Variants in ROBO2 observed in about 807,000 individuals in gnomAD.
The protein encoded by ROBO2 is roundabout guidance receptor 2.
ROBO2 carries 53 observed loss-of-function variants against 160.8 expected under a neutral mutation model. That is an observed-to-expected ratio of 0.33 (90% CI 0.26 to 0.41). ROBO2 has a LOEUF of 0.41. Ranked by LOEUF, ROBO2 falls within the 10% of genes least tolerant of loss-of-function variation. The pLI, the probability that ROBO2 is intolerant of heterozygous loss-of-function variation, is 1.00. For missense variants in ROBO2, 1,577 were observed against 1,722.4 expected (o/e 0.92, Z 1.49); for synonymous variants, 664 against 611.7 (o/e 1.09, Z -1.26).
At chr3:76,744,093 C>A (rs1354586523) in intron 2 of ROBO2, among the ~76,000 whole-genome samples, 3 of 152,214 alleles carry the variant, frequency 2.0e-5, no homozygotes, top group East Asian at 3.9e-4. Context: ...AGAGCTCATA[C>A]CAGAGTACCA....
intron 2 of ROBO2, among the ~76,000 whole-genome samples, chr3:76,094,428 C>T (rs1174945478): frequency 6.6e-6 from 1 of 152,176 alleles, no homozygotes; most frequent in African/African-American, 2.4e-5. Flanking sequence ...TTCAAGGATT[C>T]ACAGTCAATA....
chr3:77,303,291 G>C (rs1323255265), intron 2 of ROBO2, among the ~76,000 whole-genome samples: 1 of 152,152 alleles, frequency 6.6e-6, no homozygotes, highest in Non-Finnish European at 1.5e-5. Flanking sequence ...ACACAGAGTG[G>C]ACACTCCCTA....
intron 2 of ROBO2, among the ~76,000 whole-genome samples, chr3:76,759,493 A>AATATATATGTTCTATATATATTAAT (rs2061175316): frequency 6.6e-6 from 1 of 151,694 alleles, no homozygotes; most frequent in Admixed American, 6.6e-5. Flanking sequence ...AACATATATT[A>AATATATATGTTCTATATATATTAAT]ATATATATAG....
At chr3:76,059,872 A>T (rs1328161315) in intron 2 of ROBO2, among the ~76,000 whole-genome samples, 1 of 152,182 alleles carries the variant, frequency 6.6e-6, no homozygotes, top group Non-Finnish European at 1.5e-5. Flanking sequence ...ACATATGGCT[A>T]GCCAGTTTTC....
chr3:77,182,552 A>G lies in ROBO2; in HGVS notation c.388+84212A>G, dbSNP rs538696349. ...TCTTTTGAATAATACATGAAAGAGC[A>G]CTAGTCCATCCTCCTAAATTGAGTA... On this transcript the variant is annotated intron_variant, in intron 2 of 25. Coordinates refer to ENST00000461745, the Ensembl canonical transcript of ROBO2. Among the ~76,000 whole-genome samples, 26 of 152,216 alleles carry G rather than the reference A, an allele frequency of 1.7e-4. 2 individuals are homozygous for G. The highest frequency in any genetic ancestry group is 3.4e-3 in the Middle Eastern group (1 of 294).
At chr3:77,291,739 A>G (rs1560449850) in intron 2 of ROBO2, among the ~76,000 whole-genome samples, 1 of 151,618 alleles carries the variant, frequency 6.6e-6, no homozygotes, top group East Asian at 2.0e-4. Context: ...TAAACGGGTA[A>G]GCTGAGGCTA....
At chr3:76,520,950 C>A (rs1040778059) in intron 2 of ROBO2, among the ~76,000 whole-genome samples, 1 of 150,986 alleles carries the variant, frequency 6.6e-6, no homozygotes, top group Non-Finnish European at 1.5e-5. Context: ...ATTGAATTCT[C>A]TTCTTCATTT....
chr3:76,466,925 T>C (rs1280195475), intron 2 of ROBO2, among the ~76,000 whole-genome samples: 1 of 152,074 alleles, frequency 6.6e-6, no homozygotes, highest in African/African-American at 2.4e-5. Flanking sequence ...CAAATTTGTT[T>C]CTGTTTAGAA....
chr3:77,415,752 T>C (rs1031052132), intron 2 of ROBO2, among the ~76,000 whole-genome samples: 7 of 152,280 alleles, frequency 4.6e-5, no homozygotes, highest in Admixed American at 3.3e-4. Context: ...AACTCAGAGA[T>C]GCCGGTAACC....
rs959652831 is a variant in ROBO2, at chr3:76,596,476, C to G, written c.110-501538C>G. Among the ~76,000 whole-genome samples, 3 of 152,018 alleles carry G rather than the reference C, an allele frequency of 2.0e-5. No individual in the cohort carries two copies. The South Asian group carries it at 6.2e-4, about 31-fold the overall frequency. ...ATGGAAAACCGGCAGCAGATAGAACCCTCTCTGACATTTACTAACTAGAGA... is the reference window on the plus strand; with the variant it reads ...ATGGAAAACCGGCAGCAGATAGAACGCTCTCTGACATTTACTAACTAGAGA... On this transcript the variant is annotated intron_variant, in intron 2 of 26. Coordinates refer to the ROBO2 transcript ENST00000487694.
intron 2 of ROBO2, among the ~76,000 whole-genome samples, chr3:76,041,272 G>A (rs1045631734): frequency 6.6e-6 from 1 of 151,990 alleles, no homozygotes; most frequent in African/African-American, 2.4e-5. Context: ...ACAGGACTAT[G>A]ATTTATTATG....
intron 2 of ROBO2, among the ~76,000 whole-genome samples, chr3:76,549,266 G>A (rs1372109008): frequency 6.6e-6 from 1 of 151,978 alleles, no homozygotes; most frequent in Non-Finnish European, 1.5e-5. Context: ...CTGAGTTCTG[G>A]CAATGTGAAT....
intron 19 of ROBO2, among the ~76,000 whole-genome samples, chr3:77,599,495 T>G (rs2153690792): frequency 1.3e-5 from 1 of 79,844 alleles, no homozygotes; most frequent in East Asian, 4.1e-4. Context: ...CGGGGCCTGT[T>G]GTGGGGTGGG....
intron 2 of ROBO2, among the ~76,000 whole-genome samples, chr3:76,377,620 C>G (rs2076410851): frequency 6.6e-6 from 1 of 152,166 alleles, no homozygotes; most frequent in Non-Finnish European, 1.5e-5. Context: ...CCTCTTTACA[C>G]TTCAGCGAAT....
In ROBO2 at chr3:77,186,694, G is replaced by C. The variant is rs141569173; in HGVS notation, c.388+88354G>C. Among the ~76,000 whole-genome samples, 823 of 151,636 alleles carry C rather than the reference G, an allele frequency of 5.4e-3. 5 individuals are homozygous for C. Among genetic ancestry groups the C allele is most frequent in the African/African-American group, 0.019 (789 of 41,140 alleles). ...GGCTGATATTAATAATTTCATTTTA[G>C]ACATCAAAACTGAGATTTTTTTTTG... On this transcript the variant is annotated intron_variant, in intron 2 of 25. Transcript: ENST00000461745.
intron 2 of ROBO2, among the ~76,000 whole-genome samples, chr3:76,440,358 G>C (rs530538541): frequency 2.0e-5 from 3 of 151,600 alleles, no homozygotes; most frequent in Admixed American, 2.0e-4. Flanking sequence ...CCATTAACTC[G>C]TCATTTACAT....
intron 2 of ROBO2, among the ~76,000 whole-genome samples, chr3:76,610,938 T>C (rs552830534): frequency 3.2e-4 from 49 of 152,312 alleles, no homozygotes; most frequent in African/African-American, 1.2e-3. Context: ...ATAAGGCAGA[T>C]AATAATTTTA....
At chr3:77,398,719 C>T (rs1036309354) in intron 2 of ROBO2, among the ~76,000 whole-genome samples, 29 of 151,944 alleles carry the variant, frequency 1.9e-4, no homozygotes, top group African/African-American at 6.8e-4. Context: ...GTTGCTGGGA[C>T]TGCAGGCATA....
chr3:77,601,512 T>C (rs2094429470), intron 19 of ROBO2, among the ~76,000 whole-genome samples: 1 of 152,240 alleles, frequency 6.6e-6, no homozygotes, highest in South Asian at 2.1e-4. Flanking sequence ...TTAATTTTAC[T>C]CTAGCTGTAT....
Sources: allele counts gnomAD v4.1 joint callset (sites outside exome capture counted in the v4.1 genomes callset), GRCh38; gene constraint gnomAD v4.1.1; transcripts MANE v1.5; gene names NCBI Gene and HGNC (gene_info 2026-07-23, HGNC 2026-07-21).